The following ABCC1 variants were observed in gnomAD, a reference collection of about 807,000 sequenced individuals.
The protein encoded by ABCC1 is ATP binding cassette subfamily C member 1 (ABCC1 blood group).
A neutral mutation model predicts 172.9 loss-of-function variants in ABCC1; 83 were observed. The ratio of observed to expected loss-of-function variants is 0.48; its 90% CI spans 0.40 to 0.58. The LOEUF (loss-of-function observed/expected upper bound fraction) is 0.58. Ranked by LOEUF, ABCC1 falls within the 20% of genes least tolerant of loss-of-function variation. The probability of loss-of-function intolerance (pLI) is 0.00; values close to 1 mark genes in which losing one functional copy is unlikely to be tolerated. For missense variants in ABCC1, 1,817 were observed against 2,002.7 expected (o/e 0.91, Z 1.77); for synonymous variants, 937 against 825.2 (o/e 1.14, Z -2.32).
At chr16:16,110,357 T>G (rs2052333481) in intron 21 of ABCC1, among the ~76,000 whole-genome samples, 1 of 151,504 alleles carries the variant, frequency 6.6e-6, no homozygotes, top group Non-Finnish European at 1.5e-5. Flanking sequence ...GTGCTGGGAT[T>G]ACAGGTGTGT....
Position 16,014,602 on chromosome 16 carries a change from TC to T in ABCC1, c.465del (p.Ile157LeufsTer2), listed in dbSNP as rs747659680. The part of the protein sequence containing the change: ...ALVCALAILR[S>X]KIMTALKEDA... ...AGTGTGTGCCCTAGCCATCCTGAGATCCAAAATTATGACAGCCTTAAAAGAG... is the reference window on the plus strand; with the variant it reads ...AGTGTGTGCCCTAGCCATCCTGAGATCAAAATTATGACAGCCTTAAAAGAG... On this transcript the variant is annotated frameshift_variant, in exon 4 of 31. Coordinates refer to ENST00000399410, the MANE Select transcript of ABCC1 (RefSeq NM_004996.4). LOFTEE classifies it high-confidence loss of function. 6.2e-7 allele frequency: 1 copy of T among 1,613,944 alleles called. No individual in the cohort carries two copies. Among genetic ancestry groups the T allele is most frequent in the Non-Finnish European group, 8.5e-7 (1 of 1,179,988 alleles).
Position 16,014,519 on chromosome 16 carries a change from A to AGAG in ABCC1, c.386_388dup (p.Arg129dup). On this transcript the variant is annotated inframe_insertion, in exon 4 of 31. Coordinates refer to ENST00000399410, the MANE Select transcript of ABCC1 (RefSeq NM_004996.4). The stretch of plus-strand genomic sequence containing the variant: ...CTTGCTACCTTTTTAATTCAGCTGG[A>AGAG]GAGGAGGAAGGGAGTTCAGTCTTCA... The AGAG allele has an allele frequency of 6.2e-7, 1 of 1,613,994 alleles. No individual in the cohort carries two copies. The highest frequency in any genetic ancestry group is 8.5e-7 in the Non-Finnish European group (1 of 1,179,990).
At chr16:16,109,400 C>T (rs1038764874) in intron 21 of ABCC1, among the ~76,000 whole-genome samples, 5 of 152,274 alleles carry the variant, frequency 3.3e-5, no homozygotes, top group East Asian at 3.9e-4. Context: ...TGGTCTCAAA[C>T]TCCTGGGCTC....
intron 27 of ABCC1, among the ~76,000 whole-genome samples, chr16:16,132,652 G>C (rs1177816382): frequency 6.6e-6 from 1 of 150,452 alleles, no homozygotes; most frequent in African/African-American, 2.4e-5. Context: ...CTCCCGAGTA[G>C]CTGGGACTAC....
At chr16:16,092,480 A>G (rs979981569) in intron 19 of ABCC1, among the ~76,000 whole-genome samples, 1 of 152,142 alleles carries the variant, frequency 6.6e-6, no homozygotes, top group East Asian at 1.9e-4. Context: ...TGCCATCACA[A>G]TAGGTGGAAT....
At chr16:16,093,020 A>C (rs944892152) in intron 19 of ABCC1, among the ~76,000 whole-genome samples, 1 of 152,230 alleles carries the variant, frequency 6.6e-6, no homozygotes, top group Non-Finnish European at 1.5e-5. Flanking sequence ...GTTTCTTGCC[A>C]GTGCATGATA....
chr16:16,011,770 A>G (rs1365055362), intron 3 of ABCC1, among the ~76,000 whole-genome samples: 2 of 151,870 alleles, frequency 1.3e-5, no homozygotes, highest in Non-Finnish European at 2.9e-5. Flanking sequence ...CCTGGATTCA[A>G]GCGATTCTCC....
chr16:16,049,438 T>C (rs1006465451), intron 10 of ABCC1, among the ~76,000 whole-genome samples: 2 of 152,138 alleles, frequency 1.3e-5, no homozygotes, highest in African/African-American at 4.8e-5. Flanking sequence ...CAAAATAAAA[T>C]GATAAGCAAA....
In ABCC1 at chr16:16,141,287, A is replaced by C; in HGVS notation, c.*6A>C. ...AAGACGCCGGCTTGGTGTGAGCCCC[A>C]GAGCTGGCATATCTGGTCAGAACTG... On this transcript the variant is annotated 3_prime_UTR_variant, in exon 31 of 31. Transcript: ENST00000399410. 6.2e-7 allele frequency: 1 copy of C among 1,613,748 alleles called. No homozygotes were observed. The highest frequency in any genetic ancestry group is 8.5e-7 in the Non-Finnish European group (1 of 1,179,860).
intron 14 of ABCC1, chr16:16,076,117 C>T: frequency 3.6e-6 from 2 of 559,342 alleles, no homozygotes; most frequent in Non-Finnish European, 3.1e-6. Context: ...TTGCAGTTTC[C>T]TTCTGCTTTC....
intron 1 of ABCC1, among the ~76,000 whole-genome samples, chr16:15,995,967 G>A (rs999377036): frequency 4.1e-5 from 6 of 144,706 alleles, no homozygotes; most frequent in Non-Finnish European, 9.0e-5. Context: ...GTACCACCAC[G>A]CCCAGCTAAG....
In ABCC1 at chr16:16,083,647, C is replaced by T. The variant is rs147268236; in HGVS notation, c.2292+105C>T. The T allele has an allele frequency of 1.5e-4, 215 of 1,450,630 alleles. No individual in the cohort carries two copies. In the African/African-American group the frequency reaches 1.8e-3, roughly 12 times the overall value. The allele number at this position is 1,450,630 out of a possible 1,614,324, so 89.9% of individuals were successfully genotyped here. On this transcript the variant is annotated intron_variant, in intron 17 of 30. Transcript: ENST00000399410. ...GTGAGTCTGCTGCTATCAGCTGACC[C>T]GGCAGGGCTCAGCTGGGCGGCTCTG...
At chr16:16,058,724 C>T (rs571916454) in intron 12 of ABCC1, among the ~76,000 whole-genome samples, 3 of 152,314 alleles carry the variant, frequency 2.0e-5, no homozygotes, top group Non-Finnish European at 4.4e-5. Context: ...TATCTTGGCT[C>T]ACTGCAATCT....
Position 16,036,541 on chromosome 16 carries a change from G to A in ABCC1, c.747G>A (p.Thr249=), listed in dbSNP as rs1209386105. 7.4e-6 allele frequency: 12 copies of A among 1,614,126 alleles called. No homozygotes were observed. The highest frequency in any genetic ancestry group is 2.2e-5 in the East Asian group (1 of 44,872). The part of the protein sequence containing the change: ...SDLWSLNKED[T]SEQVVPVLVK... The stretch of plus-strand genomic sequence containing the variant: ...TCTGGTCCTTAAACAAGGAGGACAC[G>A]TCGGAACAAGTCGTGCCTGTTTTGG... The change falls in exon 7 of 31, where the codon ACG becomes ACA. Residue 249 remains threonine, a synonymous_variant. Coordinates refer to ENST00000399410, the MANE Select transcript of ABCC1 (RefSeq NM_004996.4).
chr16:15,980,804 G>C (rs2046604869), intron 1 of ABCC1, among the ~76,000 whole-genome samples: 1 of 152,106 alleles, frequency 6.6e-6, no homozygotes, highest in South Asian at 2.1e-4. Context: ...CAGAGTCTTA[G>C]CTCATTCCAG....
chr16:16,095,754 G>A (rs2051447925), intron 19 of ABCC1, among the ~76,000 whole-genome samples: 1 of 151,996 alleles, frequency 6.6e-6, no homozygotes, highest in Non-Finnish European at 1.5e-5. Flanking sequence ...TCGAACTCCT[G>A]GGCTCAAGCG....
intron 18 of ABCC1, among the ~76,000 whole-genome samples, chr16:16,089,649 T>C (rs1047839612): frequency 1.3e-5 from 2 of 151,968 alleles, no homozygotes; most frequent in African/African-American, 2.4e-5. Flanking sequence ...ATAGGCAGAT[T>C]GCCTGAGGTC....
chr16:16,098,060 G>A (rs2051560420), intron 19 of ABCC1: 1 of 152,336 alleles, frequency 6.6e-6, no homozygotes, highest in African/African-American at 2.4e-5. Context: ...TCCCAGCCTG[G>A]GAGGGTCCAG....
At chr16:15,971,407 T>G (rs1028803841) in intron 1 of ABCC1, among the ~76,000 whole-genome samples, 4 of 152,168 alleles carry the variant, frequency 2.6e-5, no homozygotes, top group Non-Finnish European at 4.4e-5. Flanking sequence ...TGGCTTGCAT[T>G]TGCATATCAA....
Sources: allele counts gnomAD v4.1 joint callset (sites outside exome capture counted in the v4.1 genomes callset), GRCh38; gene constraint gnomAD v4.1.1; transcripts MANE v1.5; gene names NCBI Gene and HGNC (gene_info 2026-07-23, HGNC 2026-07-21).